Variants in SLC35F4 observed in about 807,000 individuals in gnomAD.
SLC35F4 encodes solute carrier family 35 member F4, also known as chromosome 14 open reading frame 36.
A neutral mutation model predicts 44.2 loss-of-function variants in SLC35F4; 24 were observed. The observed-to-expected ratio is 0.54, with a 90% CI of 0.39 to 0.76. The LOEUF (loss-of-function observed/expected upper bound fraction) is 0.76. Among genes scored for constraint, SLC35F4 ranks in the 30% least tolerant of loss-of-function variants. SLC35F4 has a pLI of 0.00. For missense variants in SLC35F4, 562 were observed against 586.1 expected, an observed-to-expected ratio of 0.96 and a Z score of 0.42; for synonymous variants, 238 against 223.6, an observed-to-expected ratio of 1.06 and a Z score of -0.57.
chr14:57,856,140 G>A (rs1419468601), intron 1 of SLC35F4, among the ~76,000 whole-genome samples: 1 of 151,892 alleles, frequency 6.6e-6, no homozygotes, highest in Non-Finnish European at 1.5e-5. Flanking sequence ...CCGAGTAGCT[G>A]GGATTACAGG....
chr14:57,622,024 T>A (rs1027354919), intron 1 of SLC35F4, among the ~76,000 whole-genome samples: 2 of 150,570 alleles, frequency 1.3e-5, no homozygotes, highest in Non-Finnish European at 3.0e-5. Context: ...AACAGACACT[T>A]CTCAAAAGAA....
Position 57,733,360 on chromosome 14 carries a change from TAAAAA to T in SLC35F4, c.103+132358_103+132362del, listed in dbSNP as rs71104585. On this transcript the variant is annotated intron_variant, in intron 1 of 7. Transcript: ENST00000556826. ...TGCTACAAGGAGAGTCAATTTTCTT[TAAAAA>T]AAAAAAAAAAAAAAAATCCCAGCAA... 4.6e-3 allele frequency among the ~76,000 whole-genome samples: 636 copies of T among 138,460 alleles called. 4 individuals carry two copies. Among genetic ancestry groups the T allele is most frequent in the African/African-American group, 0.016 (582 of 36,546 alleles). The allele number at this position is 138,460 out of a possible 152,430, so 90.8% of individuals were successfully genotyped here.
At position 57,671,044 on chromosome 14, in the gene SLC35F4, A is replaced by G. The variant is rs369636954; in HGVS notation, c.104-76920T>C. 1.7e-4 allele frequency among the ~76,000 whole-genome samples: 26 copies of G among 151,396 alleles called. No individual in the cohort carries two copies. The East Asian group carries it at 3.5e-3, about 20-fold the overall frequency. ...CTCAGCCTCCTGAGTAGCTGGGACTATAGACACACACCACCATGCCACCTA... is the reference window on the plus strand; with the variant it reads ...CTCAGCCTCCTGAGTAGCTGGGACTGTAGACACACACCACCATGCCACCTA... On this transcript the variant is annotated intron_variant, in intron 1 of 7. Coordinates refer to ENST00000556826, the MANE Select transcript of SLC35F4 (RefSeq NM_001306087.2).
In SLC35F4 at chr14:57,831,047, T is replaced by C. The variant is rs114839698; in HGVS notation, c.103+34676A>G. Among the ~76,000 whole-genome samples the C allele has an allele frequency of 2.9e-3, 443 of 152,284 alleles. 2 individuals are homozygous for C. The highest frequency in any genetic ancestry group is 0.01 in the African/African-American group (418 of 41,560). On this transcript the variant is annotated intron_variant, in intron 1 of 7. Transcript: ENST00000556826. ...GGTATGCATGCTCTGTCAGAATTTA[T>C]CATCTTCTCTCTCAACTCTGATTTC...
chr14:57,630,840 T>C, intron 1 of SLC35F4: 3 of 773,682 alleles, frequency 3.9e-6, no homozygotes, highest in Non-Finnish European at 4.9e-6. Flanking sequence ...ATCAAAATGA[T>C]ATGCTGTTGA....
At chr14:57,901,284 T>C (rs1163435852) in intron 1 of SLC35F4, among the ~76,000 whole-genome samples, 1 of 152,178 alleles carries the variant, frequency 6.6e-6, no homozygotes, top group Non-Finnish European at 1.5e-5. Context: ...TGCCCATCAA[T>C]GATAAACTGG....
intron 1 of SLC35F4, among the ~76,000 whole-genome samples, chr14:57,703,812 G>C (rs2075603431): frequency 6.6e-6 from 1 of 152,148 alleles, no homozygotes; most frequent in Middle Eastern, 3.4e-3. Flanking sequence ...CTTTTACACT[G>C]TTTCAATACT....
intron 1 of SLC35F4, among the ~76,000 whole-genome samples, chr14:57,727,622 A>G (rs1176958007): frequency 6.6e-6 from 1 of 151,918 alleles, no homozygotes. Context: ...ACAATTTCCA[A>G]TTTCTTCCTT....
chr14:57,642,427 G>T (rs1228995993), intron 1 of SLC35F4, among the ~76,000 whole-genome samples: 1 of 151,800 alleles, frequency 6.6e-6, no homozygotes, highest in African/African-American at 2.4e-5. Flanking sequence ...CCTAGTAATG[G>T]CAAATACCAT....
intron 1 of SLC35F4, among the ~76,000 whole-genome samples, chr14:57,824,455 AG>A (rs1347399027): frequency 6.6e-6 from 1 of 152,224 alleles, no homozygotes; most frequent in East Asian, 1.9e-4. Context: ...ATACATATAT[AG>A]GTACATACAT....
At chr14:57,945,954 A>C (rs1890018836) in intron 1 of SLC35F4, among the ~76,000 whole-genome samples, 1 of 151,020 alleles carries the variant, frequency 6.6e-6, no homozygotes, top group South Asian at 2.1e-4. Context: ...TCCTTTCCCT[A>C]CTTTTTGATG....
intron 1 of SLC35F4, among the ~76,000 whole-genome samples, chr14:57,957,125 T>G (rs1890251991): frequency 6.6e-6 from 1 of 152,196 alleles, no homozygotes; most frequent in South Asian, 2.1e-4. Flanking sequence ...AAGGATGAGT[T>G]CATGTCCTTT....
intron 1 of SLC35F4, among the ~76,000 whole-genome samples, chr14:57,713,514 C>A (rs2075862962): frequency 6.6e-6 from 1 of 152,138 alleles, no homozygotes. Context: ...ACATTTTATT[C>A]TCTCTACAGA....
At chr14:57,817,481 C>T (rs547137399) in intron 1 of SLC35F4, among the ~76,000 whole-genome samples, 26 of 152,240 alleles carry the variant, frequency 1.7e-4, no homozygotes, top group Admixed American at 4.6e-4. Context: ...CATGCTTCCC[C>T]TTATTGCCTC....
At chr14:57,808,289 C>A (rs1383517524) in intron 1 of SLC35F4, among the ~76,000 whole-genome samples, 1 of 151,914 alleles carries the variant, frequency 6.6e-6, no homozygotes, top group Non-Finnish European at 1.5e-5. Context: ...CAAAGTCAGA[C>A]AGCAACTGGA....
intron 3 of SLC35F4, among the ~76,000 whole-genome samples, chr14:57,581,650 T>C (rs2069270911): frequency 6.6e-6 from 1 of 152,266 alleles, no homozygotes; most frequent in South Asian, 2.1e-4. Context: ...AGAGTTAGGC[T>C]CTCTTCTCTG....
chr14:57,732,100 T>C (rs1447491123), intron 1 of SLC35F4, among the ~76,000 whole-genome samples: 1 of 152,232 alleles, frequency 6.6e-6, no homozygotes, highest in Admixed American at 6.5e-5. Flanking sequence ...CATATTTATA[T>C]TTCAAAGTTT....
chr14:57,780,628 A>C (rs2077594532), intron 1 of SLC35F4, among the ~76,000 whole-genome samples: 1 of 152,182 alleles, frequency 6.6e-6, no homozygotes, highest in Non-Finnish European at 1.5e-5. Flanking sequence ...TCAAATAGCC[A>C]AGGCAAAAGA....
At chr14:57,716,624 G>T (rs2075951834) in intron 1 of SLC35F4, among the ~76,000 whole-genome samples, 1 of 152,078 alleles carries the variant, frequency 6.6e-6, no homozygotes, top group Admixed American at 6.5e-5. Context: ...CAAAATAATT[G>T]TACATATGTA....
Sources: allele counts gnomAD v4.1 joint callset (sites outside exome capture counted in the v4.1 genomes callset), GRCh38; gene constraint gnomAD v4.1.1; transcripts MANE v1.5; gene names NCBI Gene and HGNC (gene_info 2026-07-23, HGNC 2026-07-21).